CDH4: variants seen among roughly 807,000 people sequenced by gnomAD.
CDH4 encodes cadherin-4.
In CDH4, 33 loss-of-function variants were observed where a neutral mutation model predicts 86.0. The observed-to-expected ratio is 0.38, with a 90% CI of 0.29 to 0.51. CDH4 has a LOEUF of 0.51. Among genes scored for constraint, CDH4 ranks in the 20% least tolerant of loss-of-function variants. CDH4 has a pLI of 0.86. For missense variants in CDH4, 1,114 were observed against 1,307.4 expected (o/e 0.85, Z 2.28); for synonymous variants, 555 against 549.4 (o/e 1.01, Z -0.14).
chr20:61,369,376 G>A (rs1310332117), intron 2 of CDH4, among the ~76,000 whole-genome samples: 5 of 147,656 alleles, frequency 3.4e-5, no homozygotes, highest in African/African-American at 5.0e-5. Context: ...GCTTGAACCC[G>A]GGTGGTGGAG....
chr20:61,422,313 A>G (rs1302725041), intron 2 of CDH4, among the ~76,000 whole-genome samples: 1 of 151,280 alleles, frequency 6.6e-6, no homozygotes, highest in Non-Finnish European at 1.5e-5. Flanking sequence ...AATCCCAGCT[A>G]CTCGGGGGGC....
At chr20:61,798,500 C>T (rs891744731) in intron 4 of CDH4, among the ~76,000 whole-genome samples, 3 of 152,194 alleles carry the variant, frequency 2.0e-5, no homozygotes, top group East Asian at 1.9e-4. Context: ...CCACTGCAGG[C>T]GGGTGGGCCC....
rs868021038 is a variant in CDH4 at position 61,510,942 on chromosome 20, T to G, written c.170-232621T>G. Among the ~76,000 whole-genome samples the G allele has an allele frequency of 6.8e-6, 1 of 147,872 alleles. No individual in the cohort carries two copies. Among genetic ancestry groups the G allele is most frequent in the Non-Finnish European group, 1.5e-5 (1 of 66,814 alleles). On this transcript the variant is annotated intron_variant, in intron 2 of 15. Transcript: ENST00000614565. This position sits in a 1 kb window ranked among gnomAD's most constrained non-coding sequence, Gnocchi z 4.2. ...ACATGTCACAAAATGAAAGCAGGAG[T>G]GAGAGAGAGAGAGAAAGTTGGGGGC... is the stretch of plus-strand genomic sequence containing the variant.
chr20:61,407,094 G>A (rs1040902599), intron 2 of CDH4, among the ~76,000 whole-genome samples: 1 of 152,178 alleles, frequency 6.6e-6, no homozygotes, highest in African/African-American at 2.4e-5. Flanking sequence ...TAAGACAGAT[G>A]TCTCTACTGT....
chr20:61,303,320 C>CCTG lies in CDH4; in HGVS notation c.169+48390_169+48392dup, dbSNP rs1356914563. The stretch of plus-strand genomic sequence containing the variant: ...CATGAGCTGCTGCTGGGGTGGCCTT[C>CCTG]CTGCTGCTGGTCCAGGTGCCTGGCC... On this transcript the variant is annotated intron_variant, in intron 2 of 15. Transcript: ENST00000614565. Among the ~76,000 whole-genome samples the CCTG allele has an allele frequency of 5.2e-4, 79 of 152,208 alleles. 1 individual carries two copies. Among genetic ancestry groups the CCTG allele is most frequent in the Non-Finnish European group, 1.2e-4 (8 of 68,036 alleles).
At chr20:61,374,565 C>A (rs763035700) in intron 2 of CDH4, among the ~76,000 whole-genome samples, 11 of 152,198 alleles carry the variant, frequency 7.2e-5, no homozygotes, top group Non-Finnish European at 1.2e-4. Context: ...TAGTACCGAT[C>A]TCACACAGTT....
chr20:61,766,608 G>A (rs1231555772), intron 3 of CDH4, among the ~76,000 whole-genome samples: 1 of 152,166 alleles, frequency 6.6e-6, no homozygotes, highest in African/African-American at 2.4e-5. Flanking sequence ...TGAGATCGGG[G>A]ATGAAATAAA....
intron 3 of CDH4, among the ~76,000 whole-genome samples, chr20:61,762,889 G>A (rs2088653415): frequency 6.6e-6 from 1 of 152,208 alleles, no homozygotes; most frequent in South Asian, 2.1e-4. Flanking sequence ...AGCTGACACA[G>A]AGCACCTTGA....
Position 61,849,196 on chromosome 20 carries a change from G to T in CDH4, c.733-3558G>T, listed in dbSNP as rs145141814. 8.2e-3 allele frequency among the ~76,000 whole-genome samples: 1,252 copies of T among 152,032 alleles called. 6 individuals carry two copies. Among genetic ancestry groups the T allele is most frequent in the African/African-American group, 0.014 (590 of 41,442 alleles). On this transcript the variant is annotated intron_variant, in intron 5 of 15. Transcript: ENST00000614565. ...GTCCCACCGAGATGGAGGCCTTGGG[G>T]ATGCCTGGCTTTCCTGCCCTTCCCT...
At chr20:61,373,933 G>T (rs1440771244) in intron 2 of CDH4, among the ~76,000 whole-genome samples, 1 of 152,224 alleles carries the variant, frequency 6.6e-6, no homozygotes, top group Admixed American at 6.5e-5. Context: ...TCTTCAGAAA[G>T]TGATGGGGAT....
At chr20:61,913,263 A>C (rs2054870684) in intron 9 of CDH4, among the ~76,000 whole-genome samples, 1 of 152,190 alleles carries the variant, frequency 6.6e-6, no homozygotes, top group Non-Finnish European at 1.5e-5. Context: ...GTACCAAGGA[A>C]GAAGGCTGGC....
intron 3 of CDH4, among the ~76,000 whole-genome samples, chr20:61,765,089 G>T (rs2088682752): frequency 6.6e-6 from 1 of 152,158 alleles, no homozygotes; most frequent in Non-Finnish European, 1.5e-5. Context: ...GGGAGCCTCA[G>T]GCCCCCACAC....
chr20:61,356,206 C>T (rs568788114), intron 2 of CDH4, among the ~76,000 whole-genome samples: 11 of 152,214 alleles, frequency 7.2e-5, no homozygotes, highest in African/African-American at 2.4e-4. Context: ...ATTGAATGGA[C>T]GAGGGATTAT....
chr20:61,915,683 C>T (rs571996435), intron 9 of CDH4, among the ~76,000 whole-genome samples: 7 of 152,182 alleles, frequency 4.6e-5, no homozygotes, highest in Non-Finnish European at 1.0e-4. Flanking sequence ...GCAGAACATC[C>T]CGGAAAAGAC....
chr20:61,420,258 A>AGGGAGC (rs1323416211), intron 2 of CDH4, among the ~76,000 whole-genome samples: 1 of 152,142 alleles, frequency 6.6e-6, no homozygotes, highest in Non-Finnish European at 1.5e-5. Context: ...ACGCAGGGAG[A>AGGGAGC]GGGAGCGGGT....
At chr20:61,498,433 A>G (rs914556760) in intron 2 of CDH4, among the ~76,000 whole-genome samples, 2 of 152,268 alleles carry the variant, frequency 1.3e-5, no homozygotes, top group Non-Finnish European at 2.9e-5. Flanking sequence ...CAGATCAGAG[A>G]CAAACAGCTC....
At chr20:61,605,936 T>C (rs1198810873) in intron 2 of CDH4, among the ~76,000 whole-genome samples, 1 of 147,656 alleles carries the variant, frequency 6.8e-6, no homozygotes, top group Admixed American at 6.7e-5. Flanking sequence ...GATAAGCTGG[T>C]AAGTCAAGGA....
intron 2 of CDH4, among the ~76,000 whole-genome samples, chr20:61,537,459 G>A (rs1296422730): frequency 1.3e-5 from 2 of 152,172 alleles, no homozygotes; most frequent in African/African-American, 4.8e-5. Flanking sequence ...CAGCTCGGGA[G>A]GGCAGGGAGC....
intron 4 of CDH4, among the ~76,000 whole-genome samples, chr20:61,776,282 G>A (rs1418807735): frequency 5.9e-5 from 9 of 152,210 alleles, no homozygotes; most frequent in South Asian, 2.1e-4. Flanking sequence ...GAGAGCAGCC[G>A]GCACCGGGAG....
Sources: allele counts gnomAD v4.1 joint callset (sites outside exome capture counted in the v4.1 genomes callset), GRCh38; gene constraint gnomAD v4.1.1; non-coding constraint Gnocchi (gnomAD v3.1); transcripts MANE v1.5; gene names NCBI Gene and HGNC (gene_info 2026-07-23, HGNC 2026-07-21).